SNTG1: variants seen among roughly 807,000 people sequenced by gnomAD.
The protein encoded by SNTG1 is gamma-1-syntrophin.
SNTG1 carries 39 observed loss-of-function variants against 74.7 expected under a neutral mutation model. The observed-to-expected ratio is 0.52, with a 90% confidence interval of 0.40 to 0.68. The LOEUF is 0.68. Among genes scored for constraint, SNTG1 ranks in the 30% least tolerant of loss-of-function variants. The pLI, the probability that SNTG1 is intolerant of heterozygous loss-of-function variation, is 0.00. For missense variants in SNTG1, 685 were observed against 609.5 expected (o/e 1.12, Z -1.30); for synonymous variants, 254 against 217.1 (o/e 1.17, Z -1.49).
At chr8:49,969,732 T>C (rs888624808) in intron 1 of SNTG1, among the ~76,000 whole-genome samples, 2 of 152,068 alleles carry the variant, frequency 1.3e-5, no homozygotes, top group Non-Finnish European at 2.9e-5. Context: ...CCATTACATA[T>C]GATCATGTAG....
chr8:50,028,136 C>T (rs1252564067), intron 1 of SNTG1, among the ~76,000 whole-genome samples: 1 of 152,126 alleles, frequency 6.6e-6, no homozygotes, highest in Non-Finnish European at 1.5e-5. Context: ...CACCCACATA[C>T]CCTAGCAACC....
intron 1 of SNTG1, among the ~76,000 whole-genome samples, chr8:50,036,967 T>G (rs1818220983): frequency 1.3e-5 from 2 of 152,214 alleles, no homozygotes; most frequent in Non-Finnish European, 2.9e-5. Flanking sequence ...TCTCTGGAAG[T>G]GAATGTCTCT....
chr8:50,415,522 A>G (rs1194598807), intron 4 of SNTG1, among the ~76,000 whole-genome samples: 1 of 152,136 alleles, frequency 6.6e-6, no homozygotes, highest in Non-Finnish European at 1.5e-5. Context: ...ATTTTTGTCA[A>G]CAATATATTT....
At chr8:50,008,855 T>C (rs901475347) in intron 1 of SNTG1, among the ~76,000 whole-genome samples, 5 of 152,216 alleles carry the variant, frequency 3.3e-5, no homozygotes, top group African/African-American at 1.2e-4. Context: ...ATGCATGCTA[T>C]ATCTAGCTTG....
intron 2 of SNTG1, among the ~76,000 whole-genome samples, chr8:50,292,595 A>C (rs1162450416): frequency 6.6e-6 from 1 of 152,092 alleles, no homozygotes; most frequent in Non-Finnish European, 1.5e-5. Flanking sequence ...GTCACTATGG[A>C]AAGAGACAAG....
chr8:50,040,312 TA>T (rs920197746), intron 1 of SNTG1, among the ~76,000 whole-genome samples: 18 of 152,136 alleles, frequency 1.2e-4, no homozygotes, highest in Admixed American at 5.2e-4. Flanking sequence ...ATTATATATG[TA>T]AAAAAAATTT....
intron 1 of SNTG1, among the ~76,000 whole-genome samples, chr8:50,128,850 TTATATC>T (rs1481484389): frequency 1.3e-5 from 2 of 152,146 alleles, no homozygotes; most frequent in Non-Finnish European, 2.9e-5. Context: ...AATTTGAACT[TTATATC>T]AATATATACT....
intron 8 of SNTG1, among the ~76,000 whole-genome samples, chr8:50,480,533 A>G (rs2093731710): frequency 6.6e-6 from 1 of 152,208 alleles, no homozygotes; most frequent in Non-Finnish European, 1.5e-5. Flanking sequence ...CACACAATCC[A>G]AGGAAGTAAA....
intron 17 of SNTG1, among the ~76,000 whole-genome samples, chr8:50,741,245 C>A (rs2095542626): frequency 6.6e-6 from 1 of 152,010 alleles, no homozygotes; most frequent in African/African-American, 2.4e-5. Flanking sequence ...CTTCCTCAGC[C>A]TCCTGAGGCT....
In SNTG1 at chr8:50,335,737, C is replaced by T. The variant is rs558901552; in HGVS notation, c.-27-58475C>T. On this transcript the variant is annotated intron_variant, in intron 2 of 18. Transcript: ENST00000642720. ...AACACCAAGAACACTCTTACACCAC[C>T]GCATGGCAAGGCCTCTAGCTTTCTG... Among the ~76,000 whole-genome samples the T allele has an allele frequency of 4.6e-5, 7 of 152,220 alleles. No homozygotes were observed. In the East Asian group the frequency reaches 1.2e-3, roughly 25 times the overall value.
chr8:50,107,378 A>G (rs1017077291), intron 1 of SNTG1, among the ~76,000 whole-genome samples: 4 of 152,150 alleles, frequency 2.6e-5, no homozygotes, highest in Non-Finnish European at 5.9e-5. Context: ...AAAGATTCTC[A>G]CACATGTATG....
chr8:50,269,427 T>C (rs2087658890), intron 2 of SNTG1, among the ~76,000 whole-genome samples: 1 of 152,182 alleles, frequency 6.6e-6, no homozygotes, highest in South Asian at 2.1e-4. Flanking sequence ...ATTATGGTCA[T>C]GATAGTGTAT....
intron 13 of SNTG1, among the ~76,000 whole-genome samples, chr8:50,617,732 T>C (rs550320572): frequency 7.2e-5 from 11 of 152,262 alleles, no homozygotes; most frequent in African/African-American, 2.6e-4. Flanking sequence ...AAGAAGTGGG[T>C]ACATGACTGG....
At chr8:50,102,330 T>C (rs1026838337) in intron 1 of SNTG1, among the ~76,000 whole-genome samples, 73 of 152,210 alleles carry the variant, frequency 4.8e-4, no homozygotes, top group African/African-American at 1.7e-3. Context: ...CATTTTTTCA[T>C]GTGTTTTTTG....
intron 17 of SNTG1, among the ~76,000 whole-genome samples, chr8:50,717,074 T>C (rs1195005280): frequency 6.6e-6 from 1 of 152,292 alleles, no homozygotes; most frequent in East Asian, 1.9e-4. Context: ...TTATAGAGCA[T>C]TGTGAAAATT....
chr8:50,260,717 T>C (rs2087144667), intron 2 of SNTG1, among the ~76,000 whole-genome samples: 2 of 140,712 alleles, frequency 1.4e-5, no homozygotes, highest in Non-Finnish European at 3.1e-5. Flanking sequence ...CAAGAGTAGA[T>C]AGGTAATGTA....
chr8:50,105,209 T>C (rs760846341), intron 1 of SNTG1, among the ~76,000 whole-genome samples: 1 of 152,140 alleles, frequency 6.6e-6, no homozygotes, highest in Non-Finnish European at 1.5e-5. Context: ...TTTATGTATA[T>C]GGCGTAAGGA....
chr8:50,171,623 CACTG>C (rs1379864420), intron 1 of SNTG1, among the ~76,000 whole-genome samples: 1 of 152,208 alleles, frequency 6.6e-6, no homozygotes, highest in African/African-American at 2.4e-5. Context: ...ATTAAGTTGA[CACTG>C]AGTGTTAACC....
intron 1 of SNTG1, among the ~76,000 whole-genome samples, chr8:50,035,365 C>T (rs879785767): frequency 6.6e-6 from 1 of 152,178 alleles, no homozygotes; most frequent in African/African-American, 2.4e-5. Context: ...GCCATGTCCT[C>T]TCCAAGTCAA....
Sources: allele counts gnomAD v4.1 joint callset (sites outside exome capture counted in the v4.1 genomes callset), GRCh38; gene constraint gnomAD v4.1.1; transcripts MANE v1.5; gene names NCBI Gene and HGNC (gene_info 2026-07-23, HGNC 2026-07-21).